Variants in ADSS2 observed in about 807,000 individuals in gnomAD.
ADSS2 encodes the protein adenylosuccinate synthase 2, also known as adenylosuccinate synthetase isozyme 2.
ADSS2 carries 30 observed loss-of-function variants against 60.0 expected under a neutral mutation model. The ratio of observed to expected loss-of-function variants is 0.50; its 90% CI spans 0.37 to 0.68. ADSS2 has a LOEUF of 0.68. Among genes scored for constraint, ADSS2 ranks in the 30% least tolerant of loss-of-function variants. The pLI is 0.00. For missense variants in ADSS2, 373 were observed against 554.8 expected, an observed-to-expected ratio of 0.67 and a Z score of 3.29; for synonymous variants, 187 against 193.1, an observed-to-expected ratio of 0.97 and a Z score of 0.26.
chr1:244,411,241 G>C (rs1664407400), intron 12 of ADSS2, 46 bp downstream of exon 12: 1 of 1,544,718 alleles, frequency 6.5e-7, no homozygotes, highest in African/African-American at 1.4e-5. Context: ...AGAAAAAAGA[G>C]AGAGAGAGAA....
intron 3 of ADSS2, among the ~76,000 whole-genome samples, chr1:244,435,911 C>T (rs1168041161): frequency 6.6e-6 from 1 of 152,206 alleles, no homozygotes; most frequent in Non-Finnish European, 1.5e-5. Flanking sequence ...CCAGTCTCCA[C>T]CTGTATTCTA....
chr1:244,436,755 G>C (rs186121844), intron 3 of ADSS2, 70 bp downstream of exon 3: 4 of 1,326,940 alleles, frequency 3.0e-6, no homozygotes, highest in Non-Finnish European at 4.3e-6. Context: ...CATGTTGTTC[G>C]TCTGGCATAA....
At chr1:244,443,956 T>C (rs1486892659) in intron 1 of ADSS2, among the ~76,000 whole-genome samples, 1 of 152,154 alleles carries the variant, frequency 6.6e-6, no homozygotes, top group Non-Finnish European at 1.5e-5. Flanking sequence ...ATTTTACTTC[T>C]GAAATATACC....
In ADSS2 at chr1:244,418,910, A is replaced by T. The variant is rs1480301816; in HGVS notation, c.795T>A (p.Thr265=). 2.5e-6 allele frequency: 4 copies of T among 1,598,608 alleles called. No homozygotes were observed. The highest frequency in any genetic ancestry group is 3.4e-6 in the Non-Finnish European group (4 of 1,174,666). The change falls in exon 9 of 13, where the codon ACT becomes ACA. Residue 265 remains threonine, a synonymous_variant. Transcript: ENST00000366535. The part of the protein sequence containing the change: ...NAALLDIDFG[T]YPFVTSSNCT... ...AATTTGAAGAGGTTACAAAAGGGTA[A>T]GTCCCTAAAAACAGAAACAGACATT...
intron 10 of ADSS2, among the ~76,000 whole-genome samples, chr1:244,417,082 C>T (rs993698817): frequency 2.0e-5 from 3 of 152,188 alleles, no homozygotes; most frequent in Admixed American, 6.5e-5. Context: ...TGAGCACTTT[C>T]AGTTAGCCAG....
chr1:244,409,504 A>C lies in ADSS2; in HGVS notation c.*82T>G, dbSNP rs1159661576. On this transcript the variant is annotated 3_prime_UTR_variant, in exon 13 of 13. Transcript: ENST00000366535. ...ACTTACTTCAGTGTCTTTATTCTTG[A>C]ATTTGCAGGTCATAAATGAAATATT... The C allele has an allele frequency of 8.9e-7, 1 of 1,124,752 alleles. No individual in the cohort carries two copies. The highest frequency in any genetic ancestry group is 2.6e-4 in the Middle Eastern group (1 of 3,850). 69.7% of individuals were successfully genotyped at this position (1,124,752 alleles called of 1,614,324 possible).
intron 1 of ADSS2, among the ~76,000 whole-genome samples, chr1:244,447,441 A>C (rs1665421729): frequency 6.6e-6 from 1 of 151,932 alleles, no homozygotes; most frequent in South Asian, 2.1e-4. Flanking sequence ...ACGTTTAAAA[A>C]CTCATGCCTC....
intron 5 of ADSS2, 90 bp from the exon 6 acceptor site, chr1:244,424,150 A>G (rs1664741392): frequency 8.2e-7 from 1 of 1,223,350 alleles, no homozygotes; most frequent in African/African-American, 1.5e-5. Context: ...GTTACATATG[A>G]CTATTTTCTG....
chr1:244,432,823 C>A (rs917099550), intron 3 of ADSS2, among the ~76,000 whole-genome samples: 3 of 151,908 alleles, frequency 2.0e-5, no homozygotes, highest in Non-Finnish European at 4.4e-5. Context: ...CGCCACCACA[C>A]CTGGCTAATT....
At chr1:244,439,810 TG>T (rs1287921717) in intron 1 of ADSS2, among the ~76,000 whole-genome samples, 2 of 152,234 alleles carry the variant, frequency 1.3e-5, no homozygotes, top group Non-Finnish European at 2.9e-5. Context: ...CTAGGCTTGC[TG>T]GAACTCAGGT....
intron 1 of ADSS2, among the ~76,000 whole-genome samples, chr1:244,446,122 ACTT>A: frequency 6.6e-6 from 1 of 152,242 alleles, no homozygotes; most frequent in East Asian, 1.9e-4. Context: ...TAATCTTCAA[ACTT>A]CTTAAGAGCC....
Position 244,409,306 on chromosome 1 carries a change from T to G in ADSS2, c.*280A>C. On this transcript the variant is annotated 3_prime_UTR_variant, in exon 13 of 13. Coordinates refer to ENST00000366535, the MANE Select transcript of ADSS2 (RefSeq NM_001126.5). ...ATTCTACTTTTGATATCAAACAACA[T>G]GGATTATACTATTACTAAACATTGA... 1 of 288,702 alleles carries G rather than the reference T, an allele frequency of 3.5e-6. No individual in the cohort carries two copies. The highest frequency in any genetic ancestry group is 6.3e-6 in the Non-Finnish European group (1 of 159,046). The allele number at this position is 288,702 out of a possible 1,614,324, so 17.9% of individuals were successfully genotyped here.
chr1:244,417,828 T>C, intron 9 of ADSS2, 76 bp from the exon 10 acceptor site: 1 of 1,380,214 alleles, frequency 7.2e-7, no homozygotes, highest in East Asian at 2.4e-5. Context: ...ATGCTAGAGA[T>C]CATAGCAAAG....
At chr1:244,449,292 G>A (rs900915760) in intron 1 of ADSS2, among the ~76,000 whole-genome samples, 4 of 152,210 alleles carry the variant, frequency 2.6e-5, no homozygotes, top group Non-Finnish European at 4.4e-5. Flanking sequence ...GTCTACTGGT[G>A]AAATACGGAT....
chr1:244,417,297 A>C (rs1216612173), intron 10 of ADSS2, among the ~76,000 whole-genome samples: 1 of 152,192 alleles, frequency 6.6e-6, no homozygotes, highest in African/African-American at 2.4e-5. Context: ...ATCACTAGGT[A>C]CATCGCCTCC....
intron 1 of ADSS2, among the ~76,000 whole-genome samples, chr1:244,438,895 T>A (rs4658640): frequency 0.38 from 57,514 of 152,062 alleles, 11,387 homozygotes; most frequent in Admixed American, 0.43. Flanking sequence ...CCTTTCATTG[T>A]GTTACAATCT....
At chr1:244,439,202 T>C (rs989570107) in intron 1 of ADSS2, among the ~76,000 whole-genome samples, 1 of 152,216 alleles carries the variant, frequency 6.6e-6, no homozygotes. Flanking sequence ...TCCAGTTCCA[T>C]CCACGTTGTT....
intron 11 of ADSS2, 84 bp from the exon 12 acceptor site, chr1:244,411,520 CT>C: frequency 7.2e-7 from 1 of 1,384,910 alleles, no homozygotes; most frequent in Non-Finnish European, 9.7e-7. Context: ...TTCAAAATGT[CT>C]TTTCAAAATC....
intron 4 of ADSS2, among the ~76,000 whole-genome samples, chr1:244,428,036 C>T (rs1664846904): frequency 1.3e-5 from 2 of 152,156 alleles, no homozygotes; most frequent in Non-Finnish European, 2.9e-5. Flanking sequence ...GTTGGAGGTT[C>T]AGCACTCCTC....
Sources: allele counts gnomAD v4.1 joint callset (sites outside exome capture counted in the v4.1 genomes callset), GRCh38; gene constraint gnomAD v4.1.1; transcripts MANE v1.5; gene names NCBI Gene and HGNC (gene_info 2026-07-23, HGNC 2026-07-21).